The following KDM1A variants were observed in gnomAD, a reference collection of about 807,000 sequenced individuals.
KDM1A encodes lysine demethylase 1A, also known as lysine-specific histone demethylase 1A.
A neutral mutation model predicts 109.4 loss-of-function variants in KDM1A; 49 were observed. That is an observed-to-expected ratio of 0.45 (90% confidence interval 0.36 to 0.57). The LOEUF (loss-of-function observed/expected upper bound fraction) is 0.57. Among genes scored for constraint, KDM1A ranks in the 20% least tolerant of loss-of-function variants. The pLI is 0.00. For synonymous variants in KDM1A, 380 were observed against 415.4 expected (o/e 0.91, Z 1.04); for missense variants, 668 against 1,116.6 (o/e 0.60, Z 5.73).
intron 18 of KDM1A, among the ~76,000 whole-genome samples, chr1:23,080,089 G>A (rs991213545): frequency 1.3e-5 from 2 of 152,142 alleles, no homozygotes; most frequent in Non-Finnish European, 2.9e-5. Flanking sequence ...TTTTGTAATT[G>A]GACTTAACTG....
intron 15 of KDM1A, among the ~76,000 whole-genome samples, chr1:23,075,307 G>A (rs768785686): frequency 6.6e-6 from 1 of 152,180 alleles, no homozygotes; most frequent in Non-Finnish European, 1.5e-5. Flanking sequence ...GTATAGGCTG[G>A]GTACGGTGGC....
In KDM1A at chr1:23,077,311, A is replaced by G. The variant is rs758543009; in HGVS notation, c.1818A>G (p.Leu606=). 6.2e-6 allele frequency: 10 copies of G among 1,614,182 alleles called. No individual in the cohort carries two copies. The highest frequency in any genetic ancestry group is 3.4e-6 in the Non-Finnish European group (4 of 1,179,998). ...SCVPVALAEG[L]DIKLNTAVRQ... ...TGCCTGTGGCTTTAGCAGAAGGCCT[A>G]GACATTAAACTGAATACAGCAGTGC... The change falls in exon 16 of 21, where the codon CTA becomes CTG. Residue 606 remains leucine, a synonymous_variant. Transcript: ENST00000400181.
rs1642873086 is a variant in KDM1A, at chr1:23,057,718, A to G, written c.1072+153A>G. ...GCAGTATGTGGAAAATGTAAATTGT[A>G]CATATCTTTTGACCTAGAGTACCTT... On this transcript the variant is annotated intron_variant, in intron 8 of 20. Transcript: ENST00000400181. The G allele has an allele frequency of 5.9e-6, 3 of 504,948 alleles. No individual in the cohort carries two copies. The South Asian group carries it at 1.0e-4, about 17-fold the overall frequency. 31.3% of individuals were successfully genotyped at this position (504,948 alleles called of 1,614,324 possible).
intron 1 of KDM1A, among the ~76,000 whole-genome samples, chr1:23,024,736 T>TTC (rs543768639): frequency 1.1e-3 from 172 of 152,356 alleles, no homozygotes; most frequent in African/African-American, 4.1e-3. Context: ...TAGAAAAGTG[T>TTC]TCTGGAAAAG....
chr1:23,082,588 A>T (rs945061580), intron 20 of KDM1A: 9 of 424,510 alleles, frequency 2.1e-5, no homozygotes, highest in Admixed American at 1.2e-4. Context: ...CCAGAGTATA[A>T]GTCAAATAAC....
intron 2 of KDM1A, among the ~76,000 whole-genome samples, chr1:23,034,968 T>A (rs1462313327): frequency 6.6e-6 from 1 of 152,202 alleles, no homozygotes; most frequent in East Asian, 1.9e-4. Context: ...TCCTTAAGAC[T>A]AATGAAGCCC....
chr1:23,025,910 G>A (rs369525851), intron 1 of KDM1A, among the ~76,000 whole-genome samples: 17 of 152,062 alleles, frequency 1.1e-4, no homozygotes, highest in East Asian at 3.9e-4. Flanking sequence ...TTGGCAACAC[G>A]GCAAAACCCT....
chr1:23,036,097 T>G (rs986954760), intron 2 of KDM1A, among the ~76,000 whole-genome samples: 3 of 152,058 alleles, frequency 2.0e-5, no homozygotes, highest in Non-Finnish European at 4.4e-5. Flanking sequence ...TTAATCATGC[T>G]GTAACTATTC....
At chr1:23,029,240 T>C (rs956405566) in intron 1 of KDM1A, among the ~76,000 whole-genome samples, 1 of 152,256 alleles carries the variant, frequency 6.6e-6, no homozygotes, top group African/African-American at 2.4e-5. Flanking sequence ...GGACTATTCA[T>C]CTTGGAAATG....
At chr1:23,061,914 C>T (rs2124487231) in intron 9 of KDM1A, among the ~76,000 whole-genome samples, 1 of 152,282 alleles carries the variant, frequency 6.6e-6, no homozygotes, top group Non-Finnish European at 1.5e-5. Context: ...CCACCTTAGC[C>T]TCCCAAAGTG....
chr1:23,057,448 G>T (rs1042263963), intron 7 of KDM1A, 36 bp from the exon 8 acceptor site: 2 of 1,540,608 alleles, frequency 1.3e-6, no homozygotes, highest in African/African-American at 2.7e-5. Context: ...GGTTAAAACA[G>T]AATTGATGAT....
At chr1:23,054,164 A>G (rs141972530) in intron 5 of KDM1A, among the ~76,000 whole-genome samples, 22 of 152,254 alleles carry the variant, frequency 1.4e-4, no homozygotes, top group African/African-American at 5.1e-4. Context: ...GGCACCAACA[A>G]TGTCTTGTGA....
At chr1:23,047,198 A>AT (rs1011179791) in intron 3 of KDM1A, among the ~76,000 whole-genome samples, 51 of 146,314 alleles carry the variant, frequency 3.5e-4, no homozygotes, top group African/African-American at 8.3e-4. Context: ...ATTAACATAC[A>AT]TTTTTTTTTT....
chr1:23,047,372 G>A (rs1642531668), intron 3 of KDM1A, among the ~76,000 whole-genome samples: 1 of 152,108 alleles, frequency 6.6e-6, no homozygotes, highest in Non-Finnish European at 1.5e-5. Flanking sequence ...TCAGAGTATT[G>A]AGAATAGCTA....
intron 19 of KDM1A, 93 bp from the exon 20 acceptor site, chr1:23,082,127 T>C (rs1335385789): frequency 2.9e-6 from 4 of 1,372,852 alleles, no homozygotes; most frequent in Non-Finnish European, 4.0e-6. Flanking sequence ...TTCTCTTCAC[T>C]TGCATCTCCA....
chr1:23,051,673 G>A (rs1410706894), intron 4 of KDM1A, among the ~76,000 whole-genome samples: 1 of 152,176 alleles, frequency 6.6e-6, no homozygotes, highest in Non-Finnish European at 1.5e-5. Flanking sequence ...AGGGAAAGGT[G>A]CTATTCAGAA....
At chr1:23,026,169 C>T (rs557585540) in intron 1 of KDM1A, among the ~76,000 whole-genome samples, 50 of 152,160 alleles carry the variant, frequency 3.3e-4, no homozygotes, top group Non-Finnish European at 5.1e-4. Context: ...AAAAATTTGA[C>T]GTTCATATCT....
chr1:23,077,497 G>A, intron 16 of KDM1A, 137 bp downstream of exon 16: 1 of 820,986 alleles, frequency 1.2e-6, no homozygotes, highest in South Asian at 2.4e-5. Flanking sequence ...TTTATAGACA[G>A]TTGAGCCTAT....
chr1:23,076,937 C>T (rs980383030), intron 15 of KDM1A, among the ~76,000 whole-genome samples: 1 of 150,146 alleles, frequency 6.7e-6, no homozygotes, highest in Non-Finnish European at 1.5e-5. Context: ...TGCACTCCAG[C>T]CTGGATGACA....
Sources: allele counts gnomAD v4.1 joint callset (sites outside exome capture counted in the v4.1 genomes callset), GRCh38; gene constraint gnomAD v4.1.1; transcripts MANE v1.5; gene names NCBI Gene and HGNC (gene_info 2026-07-23, HGNC 2026-07-21).